The following TBC1D23 variants were observed in gnomAD, a reference collection of about 807,000 sequenced individuals.
TBC1D23 encodes HCV non-structural protein 4A-transactivated protein 1.
Under a neutral mutation model 91.4 loss-of-function variants are expected in TBC1D23, and 55 were observed. The observed-to-expected ratio is 0.60, with a 90% CI of 0.48 to 0.75. The LOEUF is 0.75. Ranked by LOEUF, TBC1D23 falls within the 30% of genes least tolerant of loss-of-function variation. The pLI is 0.00. For missense variants in TBC1D23, 725 were observed against 836.1 expected (o/e 0.87, Z 1.64); for synonymous variants, 289 against 281.0 (o/e 1.03, Z -0.28).
chr3:100,275,677 G>A (rs757430945), intron 1 of TBC1D23, among the ~76,000 whole-genome samples: 49 of 152,010 alleles, frequency 3.2e-4, no homozygotes, highest in Non-Finnish European at 6.5e-4. Context: ...TAATATATAT[G>A]TATCATACAC....
chr3:100,285,952 A>T (rs1193568894), intron 4 of TBC1D23, among the ~76,000 whole-genome samples: 1 of 150,858 alleles, frequency 6.6e-6, no homozygotes, highest in Non-Finnish European at 1.5e-5. Flanking sequence ...AATCTTTTGC[A>T]CTCCTATTTT....
In TBC1D23 at chr3:100,283,942, T is replaced by C. The variant is rs1576165986; in HGVS notation, c.476+131T>C. 1.6e-5 allele frequency: 9 copies of C among 560,702 alleles called. No individual in the cohort carries two copies. In the East Asian group the frequency reaches 2.2e-4, roughly 14 times the overall value. 34.7% of individuals were successfully genotyped at this position (560,702 alleles called of 1,614,324 possible). ...ATAATTTTGAGGATTGTTTGATCCATAATTGTTATTTTATTTTTGTGGTTA... is the reference window on the plus strand; with the variant it reads ...ATAATTTTGAGGATTGTTTGATCCACAATTGTTATTTTATTTTTGTGGTTA... On this transcript the variant is annotated intron_variant, in intron 4 of 18. Transcript: ENST00000394144.
chr3:100,290,136 A>G (rs1293325154), intron 4 of TBC1D23, among the ~76,000 whole-genome samples: 1 of 152,164 alleles, frequency 6.6e-6, no homozygotes, highest in Non-Finnish European at 1.5e-5. Flanking sequence ...TATTTCTGAA[A>G]TGTTCACCTG....
intron 15 of TBC1D23, among the ~76,000 whole-genome samples, chr3:100,314,091 A>ATTTTTTTTTTTTTT (rs71299383): frequency 9.5e-5 from 9 of 94,586 alleles, no homozygotes; most frequent in Admixed American, 3.1e-4. Flanking sequence ...AGGCTACAAA[A>ATTTTTTTTTTTTTT]TTTTTTTTTT....
At chr3:100,287,206 A>G (rs1326508204) in intron 4 of TBC1D23, among the ~76,000 whole-genome samples, 3 of 152,082 alleles carry the variant, frequency 2.0e-5, no homozygotes, top group African/African-American at 7.2e-5. Flanking sequence ...TCCATCTCTT[A>G]AGCTCAAGCG....
At chr3:100,271,144 G>T (rs2067595981) in intron 1 of TBC1D23, among the ~76,000 whole-genome samples, 1 of 152,162 alleles carries the variant, frequency 6.6e-6, no homozygotes, top group South Asian at 2.1e-4. Context: ...ATTTGGTTAA[G>T]AAAGGGGGTG....
rs768713544 is a variant in TBC1D23 at position 100,316,174 on chromosome 3, A to C, written c.1674A>C (p.Glu558Asp). 2.1e-5 allele frequency: 34 copies of C among 1,613,294 alleles called. No individual in the cohort carries two copies. In the East Asian group the frequency reaches 2.5e-4, roughly 12 times the overall value. Residue 558 changes from glutamate (E) to aspartate (D), a missense_variant, in exon 16 of 19, where the codon GAA (glutamate) becomes GAC (aspartate). Coordinates refer to ENST00000394144, the MANE Select transcript of TBC1D23 (RefSeq NM_001199198.3). ...CTGTTTTCAGCATTGGGGATGAAGA[A>C]GAATACGACACAGGTGTAGTAATAC... ...VKPVFSIGDE[E>D]EYDTDEIDSS...
intron 15 of TBC1D23, chr3:100,315,760 G>A (rs1705732251): frequency 3.7e-6 from 1 of 270,816 alleles, no homozygotes. Context: ...TTTTACAGAG[G>A]AGGAATCAGA....
chr3:100,288,086 A>G (rs564705360), intron 4 of TBC1D23, among the ~76,000 whole-genome samples: 2 of 151,640 alleles, frequency 1.3e-5, no homozygotes, highest in African/African-American at 4.8e-5. Flanking sequence ...TACAAAAAAA[A>G]TTTTTTTAAT....
chr3:100,298,012 G>A lies in TBC1D23; in HGVS notation c.966G>A (p.Val322=), dbSNP rs1388986464. The change falls in exon 9 of 19, where the codon GTG becomes GTA. Residue 322 remains valine, a synonymous_variant. Coordinates refer to ENST00000394144, the MANE Select transcript of TBC1D23 (RefSeq NM_001199198.3). ...LSQALCLAIS[V]SEILQANQLQ... ...AGGCTCTTTGTCTGGCCATCTCCGT[G>A]TCAGAGATCCTTCAAGCGAATCAGC... is the stretch of plus-strand genomic sequence containing the variant. 2 of 1,613,426 alleles carry A rather than the reference G, an allele frequency of 1.2e-6. No homozygotes were observed. Among genetic ancestry groups the A allele is most frequent in the Non-Finnish European group, 1.7e-6 (2 of 1,179,594 alleles).
intron 13 of TBC1D23, among the ~76,000 whole-genome samples, chr3:100,310,129 G>T (rs1274015101): frequency 6.6e-6 from 1 of 152,098 alleles, no homozygotes; most frequent in Non-Finnish European, 1.5e-5. Flanking sequence ...TCCTTACATG[G>T]CTTCTCTGTT....
chr3:100,289,149 A>C (rs2067768267), intron 4 of TBC1D23, among the ~76,000 whole-genome samples: 1 of 152,028 alleles, frequency 6.6e-6, no homozygotes, highest in South Asian at 2.1e-4. Flanking sequence ...GGACGCAAAG[A>C]GGTTGCAGTG....
rs1705741010 is a variant in TBC1D23, at chr3:100,316,169, G to A, written c.1669G>A (p.Glu557Lys). Residue 557 changes from glutamate to lysine, a missense_variant, in exon 16 of 19, where the codon GAA (glutamate) becomes AAA (lysine). By Grantham distance (56) the Glu-to-Lys change is moderately conservative (BLOSUM62 1). Transcript: ENST00000394144. ...GVKPVFSIGD[E>K]EEYDTDEIDS... ...AAAGCCTGTTTTCAGCATTGGGGAT[G>A]AAGAAGAATACGACACAGGTGTAGT... 2 of 1,613,692 alleles carry A rather than the reference G, an allele frequency of 1.2e-6. No homozygotes were observed. Among genetic ancestry groups the A allele is most frequent in the Non-Finnish European group, 1.7e-6 (2 of 1,179,698 alleles).
At chr3:100,301,487 C>T (rs1195126135) in intron 10 of TBC1D23, among the ~76,000 whole-genome samples, 1 of 152,138 alleles carries the variant, frequency 6.6e-6, no homozygotes, top group Non-Finnish European at 1.5e-5. Context: ...TCTATATGAT[C>T]TGTCCATTTT....
chr3:100,266,562 C>G (rs1297110783), intron 1 of TBC1D23, among the ~76,000 whole-genome samples: 1 of 152,206 alleles, frequency 6.6e-6, no homozygotes, highest in Admixed American at 6.5e-5. Flanking sequence ...AGCCACTGCA[C>G]CCAGCCTAAA....
At chr3:100,295,057 T>G in intron 5 of TBC1D23, 30 bp from the exon 6 acceptor site, 1 of 1,547,156 alleles carries the variant, frequency 6.5e-7, no homozygotes, top group African/African-American at 1.4e-5. Flanking sequence ...TCCAGTGGTT[T>G]ATGTCTCTCA....
Position 100,279,772 on chromosome 3 carries a change from C to T in TBC1D23, c.165+12C>T. On this transcript the variant is annotated intron_variant, in intron 2 of 18. Coordinates refer to ENST00000394144, the MANE Select transcript of TBC1D23 (RefSeq NM_001199198.3). ...CCAAAGTTTGGAAGGTAACTAGAAACTAAAATGAATAAAATGTAATCACTG... is the reference window on the plus strand; with the variant it reads ...CCAAAGTTTGGAAGGTAACTAGAAATTAAAATGAATAAAATGTAATCACTG... 1 of 1,470,396 alleles carries T rather than the reference C, an allele frequency of 6.8e-7. No individual in the cohort carries two copies. Among genetic ancestry groups the T allele is most frequent in the Non-Finnish European group, 9.4e-7 (1 of 1,062,254 alleles). The allele number at this position is 1,470,396 out of a possible 1,614,324, so 91.1% of individuals were successfully genotyped here.
intron 16 of TBC1D23, among the ~76,000 whole-genome samples, chr3:100,316,608 T>C (rs1246133004): frequency 6.6e-6 from 1 of 152,104 alleles, no homozygotes; most frequent in African/African-American, 2.4e-5. Context: ...GTGATGGGAT[T>C]GAAATCCCTT....
At chr3:100,270,979 A>G (rs1040131928) in intron 1 of TBC1D23, among the ~76,000 whole-genome samples, 4 of 152,290 alleles carry the variant, frequency 2.6e-5, no homozygotes, top group Admixed American at 1.3e-4. Context: ...GCTAGTCTTC[A>G]TTATTTTTAT....
Sources: gnomAD v4.1 joint callset for allele counts (sites outside exome capture counted in the v4.1 genomes callset) on GRCh38, gnomAD v4.1.1 for gene constraint, MANE v1.5 for transcripts, NCBI Gene and HGNC (gene_info 2026-07-23, HGNC 2026-07-21) for gene names.